The following RUNDC3B variants were observed in gnomAD, a reference collection of about 807,000 sequenced individuals.
RUNDC3B encodes the protein RUN domain-containing protein 3B.
RUNDC3B carries 33 observed loss-of-function variants against 58.4 expected under a neutral mutation model. The observed-to-expected ratio is 0.56, with a 90% CI of 0.43 to 0.75. The LOEUF is 0.75. RUNDC3B is among the 30% of genes least tolerant of loss of function. RUNDC3B has a pLI of 0.00. For missense variants in RUNDC3B, 501 were observed against 535.7 expected (o/e 0.94, Z 0.64); for synonymous variants, 193 against 195.2 (o/e 0.99, Z 0.10).
chr7:87,773,042 AGCCGG>A (rs998405597), intron 7 of RUNDC3B, among the ~76,000 whole-genome samples: 1 of 150,896 alleles, frequency 6.6e-6, no homozygotes, highest in African/African-American at 2.5e-5. Context: ...AGCATTCACC[AGCCGG>A]GCCTGGCGAC....
intron 3 of RUNDC3B, chr7:87,709,102 G>A (rs1829850256): frequency 4.3e-6 from 1 of 235,020 alleles, no homozygotes; most frequent in Admixed American, 6.5e-5. Context: ...ATTAAAATTA[G>A]CACAACTTAT....
intron 4 of RUNDC3B, among the ~76,000 whole-genome samples, chr7:87,718,798 G>T (rs990787185): frequency 6.6e-6 from 1 of 152,108 alleles, no homozygotes; most frequent in South Asian, 2.1e-4. Flanking sequence ...TTTCCAATAA[G>T]ATTTTAAAGA....
chr7:87,720,879 C>A (rs939022862), intron 4 of RUNDC3B, among the ~76,000 whole-genome samples: 1 of 14,382 alleles, frequency 7.0e-5, no homozygotes. Flanking sequence ...GGATTACAGG[C>A]GTGAGCCCTC....
At chr7:87,825,028 C>G (rs1242037445) in intron 10 of RUNDC3B, among the ~76,000 whole-genome samples, 2 of 151,780 alleles carry the variant, frequency 1.3e-5, no homozygotes, top group Admixed American at 1.3e-4. Context: ...AAAATACCTC[C>G]TGCACATGGT....
chr7:87,628,703 G>T lies in RUNDC3B; in HGVS notation c.-121G>T. ...TCTTCCACACCCTTCCTCCCTCCAGGCTCCTTTCCTACATCCTTCCCGCGC... is the reference window on the plus strand; with the variant it reads ...TCTTCCACACCCTTCCTCCCTCCAGTCTCCTTTCCTACATCCTTCCCGCGC... On this transcript the variant is annotated 5_prime_UTR_variant, in exon 1 of 11. Transcript: ENST00000394654. 1.7e-6 allele frequency: 1 copy of T among 578,328 alleles called. No homozygotes were observed. 35.8% of individuals were successfully genotyped at this position (578,328 alleles called of 1,614,324 possible).
At position 87,628,711 on chromosome 7, in the gene RUNDC3B, C is replaced by T. The variant is rs146820683; in HGVS notation, c.-113C>T. ...ACCCTTCCTCCCTCCAGGCTCCTTT[C>T]CTACATCCTTCCCGCGCCCCCACGG... On this transcript the variant is annotated 5_prime_UTR_variant, in exon 1 of 11. Coordinates refer to ENST00000394654, the MANE Select transcript of RUNDC3B (RefSeq NM_001134405.2). 17,205 of 631,092 alleles carry T rather than the reference C, an allele frequency of 0.027. 255 individuals are homozygous for T. Among genetic ancestry groups the T allele is most frequent in the Middle Eastern group, 0.037 (77 of 2,086 alleles). 39.1% of individuals were successfully genotyped at this position (631,092 alleles called of 1,614,324 possible).
rs778683755 is a variant in RUNDC3B at position 87,741,606 on chromosome 7, T to C, written c.629+27T>C. 5 of 1,294,966 alleles carry C rather than the reference T, an allele frequency of 3.9e-6. No homozygotes were observed. The South Asian group carries it at 5.2e-5, about 13-fold the overall frequency. 80.2% of individuals were successfully genotyped at this position (1,294,966 alleles called of 1,614,324 possible). ...TATGTGACATTTTGAGATATGTTTTTTAAAATCTTATTTAAAATTGAATGT... is the reference window on the plus strand; with the variant it reads ...TATGTGACATTTTGAGATATGTTTTCTAAAATCTTATTTAAAATTGAATGT... On this transcript the variant is annotated intron_variant, in intron 6 of 10. Transcript: ENST00000394654.
chr7:87,779,166 C>T (rs987484533), intron 8 of RUNDC3B, among the ~76,000 whole-genome samples: 5 of 152,194 alleles, frequency 3.3e-5, no homozygotes, highest in East Asian at 1.9e-4. Flanking sequence ...TAAATTGATA[C>T]GATACTTTCA....
At chr7:87,810,657 T>C (rs1301562719) in intron 9 of RUNDC3B, among the ~76,000 whole-genome samples, 1 of 152,214 alleles carries the variant, frequency 6.6e-6, no homozygotes, top group East Asian at 1.9e-4. Context: ...CCTCTCATAA[T>C]TGAAGATCTT....
intron 8 of RUNDC3B, among the ~76,000 whole-genome samples, chr7:87,789,189 C>T (rs1835395751): frequency 6.6e-6 from 1 of 152,172 alleles, no homozygotes; most frequent in African/African-American, 2.4e-5. Context: ...TCATATTTAA[C>T]ACCAATAATT....
chr7:87,781,666 C>T (rs893000266), intron 8 of RUNDC3B, among the ~76,000 whole-genome samples: 11 of 151,938 alleles, frequency 7.2e-5, no homozygotes, highest in Admixed American at 5.2e-4. Context: ...CCCTCAAAAC[C>T]TAGTTTTTTG....
At chr7:87,697,430 G>T (rs1828588291) in intron 2 of RUNDC3B, among the ~76,000 whole-genome samples, 1 of 152,142 alleles carries the variant, frequency 6.6e-6, no homozygotes, top group African/African-American at 2.4e-5. Flanking sequence ...AATGATCCCA[G>T]ATAATAGAAG....
At chr7:87,686,995 A>G (rs2130622902) in intron 2 of RUNDC3B, among the ~76,000 whole-genome samples, 1 of 152,078 alleles carries the variant, frequency 6.6e-6, no homozygotes, top group East Asian at 1.9e-4. Flanking sequence ...AGTATACCAG[A>G]CAAGTATAGA....
In RUNDC3B at chr7:87,722,912, A is replaced by G. The variant is rs186856306; in HGVS notation, c.458+12257A>G. Among the ~76,000 whole-genome samples, 4 of 152,194 alleles carry G rather than the reference A, an allele frequency of 2.6e-5. No individual in the cohort carries two copies. In the East Asian group the frequency reaches 7.7e-4, roughly 29 times the overall value. On this transcript the variant is annotated intron_variant, in intron 4 of 10. Transcript: ENST00000394654. ...ACTGAGTCCAAGTGCAATTTCACCA[A>G]CCTCTCTTCCTCAGGCACCACAAAC...
chr7:87,809,703 C>G (rs1836609829), intron 9 of RUNDC3B, among the ~76,000 whole-genome samples: 1 of 152,200 alleles, frequency 6.6e-6, no homozygotes, highest in Non-Finnish European at 1.5e-5. Context: ...AAGTGAACAA[C>G]TCATCCCCAG....
chr7:87,647,917 G>T (rs1287614130), intron 1 of RUNDC3B, among the ~76,000 whole-genome samples: 1 of 152,140 alleles, frequency 6.6e-6, no homozygotes, highest in Non-Finnish European at 1.5e-5. Context: ...AGGCACGGTG[G>T]CTCATGCCTG....
intron 6 of RUNDC3B, among the ~76,000 whole-genome samples, chr7:87,747,295 G>A (rs1331136989): frequency 6.6e-6 from 1 of 152,186 alleles, no homozygotes; most frequent in Non-Finnish European, 1.5e-5. Context: ...TTCTACTGGG[G>A]GGGTGTGTGC....
chr7:87,678,750 A>G (rs1762038821), intron 2 of RUNDC3B, among the ~76,000 whole-genome samples: 1 of 151,684 alleles, frequency 6.6e-6, no homozygotes, highest in African/African-American at 2.4e-5. Context: ...TTCCATGCAG[A>G]AAGTAATTGA....
chr7:87,639,777 G>C (rs1014471724), intron 1 of RUNDC3B, among the ~76,000 whole-genome samples: 7 of 151,742 alleles, frequency 4.6e-5, no homozygotes, highest in Admixed American at 1.3e-4. Flanking sequence ...CTCTTTCTGG[G>C]CTCTTATATT....
Sources: gnomAD v4.1 joint callset for allele counts (sites outside exome capture counted in the v4.1 genomes callset) on GRCh38, gnomAD v4.1.1 for gene constraint, MANE v1.5 for transcripts, NCBI Gene and HGNC (gene_info 2026-07-23, HGNC 2026-07-21) for gene names.